Variants in CALN1 observed in about 807,000 individuals in gnomAD.
The protein encoded by CALN1 is calcium-binding protein 8.
A neutral mutation model predicts 30.6 loss-of-function variants in CALN1; 17 were observed. The ratio of observed to expected loss-of-function variants is 0.56; its 90% CI spans 0.38 to 0.83. The LOEUF (loss-of-function observed/expected upper bound fraction) is 0.83. Among genes scored for constraint, CALN1 ranks in the 40% least tolerant of loss-of-function variants. The pLI, the probability that CALN1 is intolerant of heterozygous loss-of-function variation, is 0.00. For missense variants in CALN1, 291 were observed against 354.9 expected, an observed-to-expected ratio of 0.82 and a Z score of 1.45; for synonymous variants, 156 against 131.4, an observed-to-expected ratio of 1.19 and a Z score of -1.28.
intron 3 of CALN1, among the ~76,000 whole-genome samples, chr7:72,111,356 C>A (rs899045175): frequency 6.6e-6 from 1 of 152,200 alleles, no homozygotes; most frequent in Non-Finnish European, 1.5e-5. Context: ...GGGATCTGAG[C>A]CCCTCCTCCC....
chr7:72,237,026 C>T (rs1165812551), intron 3 of CALN1, among the ~76,000 whole-genome samples: 1 of 149,030 alleles, frequency 6.7e-6, no homozygotes, highest in Non-Finnish European at 1.5e-5. Flanking sequence ...CTCTTGTTGC[C>T]CAAGTTGGAA....
chr7:72,037,727 T>A (rs1257933732), intron 4 of CALN1, among the ~76,000 whole-genome samples: 1 of 151,996 alleles, frequency 6.6e-6, no homozygotes, highest in Admixed American at 6.6e-5. Flanking sequence ...TACAGGGTTG[T>A]GGGTGGGGAA....
chr7:72,106,370 A>G, intron 3 of CALN1, 76 bp from the exon 4 acceptor site: 1 of 1,569,018 alleles, frequency 6.4e-7, no homozygotes, highest in Non-Finnish European at 8.7e-7. Flanking sequence ...GTGATTGCCT[A>G]CTGAGAACTC....
At chr7:72,408,502 G>A (rs1240370314) in intron 1 of CALN1, among the ~76,000 whole-genome samples, 1 of 151,920 alleles carries the variant, frequency 6.6e-6, no homozygotes, top group African/African-American at 2.4e-5. Flanking sequence ...GTGAAGGTCA[G>A]AGAGCGTAAC....
At chr7:71,858,791 T>A (rs977924862) in intron 5 of CALN1, among the ~76,000 whole-genome samples, 1 of 152,168 alleles carries the variant, frequency 6.6e-6, no homozygotes, top group African/African-American at 2.4e-5. Context: ...CTAACCAATG[T>A]ACATTTTACA....
chr7:72,026,304 G>T (rs75803574), intron 4 of CALN1, among the ~76,000 whole-genome samples: 9,138 of 152,140 alleles, frequency 0.06, 300 homozygotes, highest in Non-Finnish European at 0.075. Context: ...AATAGAGGGG[G>T]GTTGGGTGAG....
chr7:72,046,761 G>A (rs1231541470), intron 4 of CALN1, among the ~76,000 whole-genome samples: 1 of 148,326 alleles, frequency 6.7e-6, no homozygotes, highest in African/African-American at 2.5e-5. Flanking sequence ...AAGGCCAGGT[G>A]CGGTAGCTCA....
At chr7:72,462,763 A>T in the CALN1 span, among the ~76,000 whole-genome samples, 2 of 152,116 alleles carry the variant, frequency 1.3e-5, no homozygotes, top group Non-Finnish European at 2.9e-5. Flanking sequence ...GTGGAAGAGG[A>T]GAGATTTACA....
At chr7:72,076,288 AAAAAATT>A (rs751860507) in intron 4 of CALN1, among the ~76,000 whole-genome samples, 5 of 151,762 alleles carry the variant, frequency 3.3e-5, no homozygotes, top group Non-Finnish European at 5.9e-5. Flanking sequence ...CCCGGAACTT[AAAAAATT>A]AAAAATTAAA....
the CALN1 span, among the ~76,000 whole-genome samples, chr7:72,455,073 C>T: frequency 6.6e-5 from 10 of 152,020 alleles, no homozygotes; most frequent in African/African-American, 1.7e-4. Flanking sequence ...TCAGATTATC[C>T]GCACACCTTG....
intron 6 of CALN1, among the ~76,000 whole-genome samples, chr7:71,807,837 A>G (rs1787707867): frequency 6.6e-6 from 1 of 152,164 alleles, no homozygotes; most frequent in African/African-American, 2.4e-5. Flanking sequence ...GCATTTTGGG[A>G]GGCCGAGGTG....
At chr7:72,146,214 T>C (rs930436373) in intron 3 of CALN1, among the ~76,000 whole-genome samples, 3 of 152,188 alleles carry the variant, frequency 2.0e-5, no homozygotes, top group Non-Finnish European at 4.4e-5. Context: ...ATTGTATATC[T>C]AGAAAACCCC....
chr7:72,079,594 G>A (rs1001234192), intron 4 of CALN1, among the ~76,000 whole-genome samples: 5 of 152,052 alleles, frequency 3.3e-5, no homozygotes, highest in Admixed American at 2.6e-4. Context: ...AAGGTTAAGT[G>A]AAGACTGGCT....
chr7:72,059,074 T>C (rs1563020129), intron 4 of CALN1, among the ~76,000 whole-genome samples: 1 of 152,202 alleles, frequency 6.6e-6, no homozygotes, highest in Non-Finnish European at 1.5e-5. Context: ...GATTAAGCAG[T>C]TGAAAACTTC....
At chr7:72,244,910 G>A (rs34345544) in intron 3 of CALN1, among the ~76,000 whole-genome samples, 53,147 of 151,764 alleles carry the variant, frequency 0.35, 10,401 homozygotes, top group Middle Eastern at 0.55. Flanking sequence ...ATACTAAGAC[G>A]GCCCTACCCT....
At chr7:71,940,570 C>T (rs1386396170) in intron 5 of CALN1, among the ~76,000 whole-genome samples, 2 of 152,222 alleles carry the variant, frequency 1.3e-5, no homozygotes, top group East Asian at 3.9e-4. Context: ...CTGTTGTTTG[C>T]TATTCAGTTT....
chr7:72,245,804 C>T (rs1457701522), intron 3 of CALN1, among the ~76,000 whole-genome samples: 1 of 152,154 alleles, frequency 6.6e-6, no homozygotes, highest in Non-Finnish European at 1.5e-5. Context: ...CTCAGCAAAA[C>T]TCAAAAGACC....
At chr7:72,210,436 T>C (rs1180152636) in intron 3 of CALN1, among the ~76,000 whole-genome samples, 3 of 152,134 alleles carry the variant, frequency 2.0e-5, no homozygotes, top group Non-Finnish European at 2.9e-5. Flanking sequence ...GGAGGCTGCA[T>C]TGTTTCGTTT....
intron 2 of CALN1, among the ~76,000 whole-genome samples, chr7:72,348,542 C>A (rs921935501): frequency 3.3e-5 from 5 of 152,224 alleles, no homozygotes; most frequent in Non-Finnish European, 7.3e-5. Flanking sequence ...CATAAAGAGA[C>A]AAATCCCATG....
Sources: allele counts gnomAD v4.1 joint callset (sites outside exome capture counted in the v4.1 genomes callset), GRCh38; gene constraint gnomAD v4.1.1; transcripts MANE v1.5; gene names NCBI Gene and HGNC (gene_info 2026-07-23, HGNC 2026-07-21).